The following ITPR1 variants were observed in gnomAD, a reference collection of about 807,000 sequenced individuals.
ITPR1 encodes inositol 1,4,5-trisphosphate-gated calcium channel ITPR1.
A neutral mutation model predicts 318.4 loss-of-function variants in ITPR1; 96 were observed. The ratio of observed to expected loss-of-function variants is 0.30; its 90% confidence interval spans 0.26 to 0.36. ITPR1 has a LOEUF of 0.36. Among genes scored for constraint, ITPR1 ranks in the 10% least tolerant of loss-of-function variants. The probability of loss-of-function intolerance (pLI) is 1.00; values close to 1 mark genes in which losing one functional copy is unlikely to be tolerated. For synonymous variants in ITPR1, 1,312 were observed against 1,289.9 expected, an observed-to-expected ratio of 1.02 and a Z score of -0.37; for missense variants, 2,440 against 3,460.2, an observed-to-expected ratio of 0.71 and a Z score of 7.40.
chr3:4,556,280 T>TA (rs1229314472), intron 4 of ITPR1, among the ~76,000 whole-genome samples: 3 of 152,268 alleles, frequency 2.0e-5, no homozygotes, highest in Non-Finnish European at 1.5e-5. Context: ...GTACATTTGT[T>TA]ACAATTGATG....
At chr3:4,722,311 G>C (rs1284686314) in intron 40 of ITPR1, among the ~76,000 whole-genome samples, 1 of 152,172 alleles carries the variant, frequency 6.6e-6, no homozygotes, top group Non-Finnish European at 1.5e-5. Context: ...TGAATCGCCT[G>C]CTGATGTGTG....
intron 44 of ITPR1, among the ~76,000 whole-genome samples, chr3:4,738,988 A>T (rs777088635): frequency 1.3e-5 from 2 of 152,186 alleles, no homozygotes; most frequent in Non-Finnish European, 2.9e-5. Context: ...GTCTCACAGG[A>T]GGCCGATGGT....
At chr3:4,531,699 T>C (rs1384268211) in intron 4 of ITPR1, among the ~76,000 whole-genome samples, 1 of 152,202 alleles carries the variant, frequency 6.6e-6, no homozygotes, top group Non-Finnish European at 1.5e-5. Flanking sequence ...GGACTTTGCA[T>C]GTCCTGTTTC....
intron 30 of ITPR1, among the ~76,000 whole-genome samples, chr3:4,686,650 C>G (rs2094400144): frequency 6.6e-6 from 1 of 152,126 alleles, no homozygotes; most frequent in Non-Finnish European, 1.5e-5. Flanking sequence ...CATGTGCACG[C>G]TTTTGTTTGC....
chr3:4,828,513 T>G (rs1575402474), intron 60 of ITPR1, among the ~76,000 whole-genome samples: 1 of 152,130 alleles, frequency 6.6e-6, no homozygotes, highest in East Asian at 1.9e-4. Context: ...TCTCCTCCTG[T>G]CCTCTGGTTT....
chr3:4,665,077 C>T lies in ITPR1; in HGVS notation c.1555-61C>T, dbSNP rs1315119450. The T allele has an allele frequency of 1.4e-5, 22 of 1,574,416 alleles. 1 individual carries two copies. In the South Asian group the frequency reaches 1.8e-4, roughly 13 times the overall value. Reference sequence around the variant, plus strand: ...CCCTTGAGCTTGCATTACTTCCAAACAGAGGGTTAGCTTTGAAGCCCTAAG... The same window carrying T: ...CCCTTGAGCTTGCATTACTTCCAAATAGAGGGTTAGCTTTGAAGCCCTAAG... On this transcript the variant is annotated intron_variant, in intron 16 of 61. Transcript: ENST00000649015.
intron 44 of ITPR1, among the ~76,000 whole-genome samples, chr3:4,760,094 G>A (rs1004062063): frequency 4.6e-5 from 7 of 152,228 alleles, no homozygotes; most frequent in African/African-American, 9.6e-5. Context: ...TGTCTGTGTC[G>A]GTTCAACGTG....
At chr3:4,753,351 C>G (rs569129638) in intron 44 of ITPR1, among the ~76,000 whole-genome samples, 1 of 152,096 alleles carries the variant, frequency 6.6e-6, no homozygotes, top group Non-Finnish European at 1.5e-5. Context: ...TGGATATGCG[C>G]TGCCGCCGCC....
At chr3:4,586,008 G>C (rs984244403) in intron 4 of ITPR1, among the ~76,000 whole-genome samples, 5 of 151,126 alleles carry the variant, frequency 3.3e-5, no homozygotes, top group African/African-American at 1.2e-4. Context: ...TTATGAGTGA[G>C]AACATGTAGT....
intron 60 of ITPR1, among the ~76,000 whole-genome samples, chr3:4,836,196 C>G (rs1441340288): frequency 6.6e-6 from 1 of 152,070 alleles, no homozygotes; most frequent in African/African-American, 2.4e-5. Context: ...ATATGAGGCC[C>G]CTGGAGCAGT....
chr3:4,627,994 C>G, intron 5 of ITPR1, 116 bp downstream of exon 5: 1 of 627,534 alleles, frequency 1.6e-6, no homozygotes, highest in Non-Finnish European at 2.7e-6. Flanking sequence ...AGCCAGCTTT[C>G]TACTTTTTTT....
At chr3:4,775,850 A>G (rs547653201) in intron 47 of ITPR1, among the ~76,000 whole-genome samples, 29 of 152,346 alleles carry the variant, frequency 1.9e-4, no homozygotes, top group African/African-American at 6.5e-4. Flanking sequence ...GAAAATTACT[A>G]CACGTGAGAC....
In ITPR1 at chr3:4,685,220, C is replaced by T; in HGVS notation, c.3702+14C>T. 5 of 1,587,928 alleles carry T rather than the reference C, an allele frequency of 3.1e-6. No individual in the cohort carries two copies. The highest frequency in any genetic ancestry group is 1.3e-5 in the African/African-American group (1 of 74,766). ...CCCTATGAGAAGGTGAGCGGTGCCT[C>T]ATGCACAGCAGCTGCTCTCAGGATG... On this transcript the variant is annotated intron_variant, in intron 30 of 61. Coordinates refer to ENST00000649015, the MANE Select transcript of ITPR1 (RefSeq NM_001378452.1).
chr3:4,684,966 T>G, intron 29 of ITPR1, 103 bp from the exon 30 acceptor site: 1 of 1,126,058 alleles, frequency 8.9e-7, no homozygotes. Context: ...ACGTTTTTAA[T>G]GCATTATAAT....
At position 4,683,696 on chromosome 3, in the gene ITPR1, G is replaced by C. The variant is rs2094340287; in HGVS notation, c.3396G>C (p.Leu1132=). ...AGATCAAACAAGACTTGGATCAACTGAGGTCCATCGTGGAAAAGTCAGAGC... is the reference window on the plus strand; with the variant it reads ...AGATCAAACAAGACTTGGATCAACTCAGGTCCATCGTGGAAAAGTCAGAGC... ...YKQIKQDLDQ[L]RSIVEKSELW... is the part of the protein sequence containing the mutation. The change falls in exon 28 of 62, where the codon CTG becomes CTC. Residue 1132 remains leucine (L), a synonymous_variant. Coordinates refer to ENST00000649015, the MANE Select transcript of ITPR1 (RefSeq NM_001378452.1). 2 of 1,614,042 alleles carry C rather than the reference G, an allele frequency of 1.2e-6. No individual in the cohort carries two copies. Among genetic ancestry groups the C allele is most frequent in the Non-Finnish European group, 1.7e-6 (2 of 1,179,894 alleles).
chr3:4,509,105 C>A (rs552229974), intron 2 of ITPR1, among the ~76,000 whole-genome samples: 3 of 152,316 alleles, frequency 2.0e-5, no homozygotes, highest in African/African-American at 7.2e-5. Flanking sequence ...GTGTTGACCA[C>A]TTTATGTGGA....
At chr3:4,727,046 T>C (rs1372504681) in intron 41 of ITPR1, 80 bp from the exon 42 acceptor site, 28 of 1,140,566 alleles carry the variant, frequency 2.5e-5, no homozygotes, top group Non-Finnish European at 3.5e-5. Context: ...ACTCTCAATG[T>C]ATTTTATATG....
rs115227871 is a variant in ITPR1 at position 4,571,521 on chromosome 3, A to G, written c.163+50427A>G. 2.5e-3 allele frequency among the ~76,000 whole-genome samples: 384 copies of G among 152,090 alleles called. 2 individuals carry two copies. The highest frequency in any genetic ancestry group is 8.8e-3 in the African/African-American group (365 of 41,490). On this transcript the variant is annotated intron_variant, in intron 4 of 61. Coordinates refer to ENST00000649015, the MANE Select transcript of ITPR1 (RefSeq NM_001378452.1). Reference sequence around the variant, plus strand: ...GCCTGGTTTAAGTTTTTAAAATTTTATGTAGAACTGCTACATTGCCCAGGC... The same window carrying G: ...GCCTGGTTTAAGTTTTTAAAATTTTGTGTAGAACTGCTACATTGCCCAGGC...
At chr3:4,497,338 G>GTA (rs2080670054) in intron 2 of ITPR1, among the ~76,000 whole-genome samples, 1 of 134,536 alleles carries the variant, frequency 7.4e-6, no homozygotes, top group Non-Finnish European at 1.6e-5. Context: ...CAAGTTGTGT[G>GTA]CGATTCAAAT....
Sources: allele counts gnomAD v4.1 joint callset (sites outside exome capture counted in the v4.1 genomes callset), GRCh38; gene constraint gnomAD v4.1.1; transcripts MANE v1.5; gene names NCBI Gene and HGNC (gene_info 2026-07-23, HGNC 2026-07-21).